Variants in CNTN4 observed in about 807,000 individuals in gnomAD.
CNTN4 encodes the protein contactin 4, also known as contactin-4.
A neutral mutation model predicts 122.5 loss-of-function variants in CNTN4; 77 were observed. The observed-to-expected ratio is 0.63, with a 90% CI of 0.52 to 0.76. The LOEUF is 0.76. CNTN4 is among the 30% of genes least tolerant of loss of function. CNTN4 has a pLI of 0.00. For synonymous variants in CNTN4, 512 were observed against 447.0 expected, an observed-to-expected ratio of 1.15 and a Z score of -1.83; for missense variants, 1,256 against 1,259.1, an observed-to-expected ratio of 1.00 and a Z score of 0.04.
intron 3 of CNTN4, among the ~76,000 whole-genome samples, chr3:2,532,766 C>T (rs1439157487): frequency 2.0e-5 from 3 of 152,084 alleles, no homozygotes; most frequent in African/African-American, 4.8e-5. Flanking sequence ...CATACTCTTT[C>T]GTGTCATACA....
chr3:2,413,059 C>T (rs1424214952), intron 3 of CNTN4, among the ~76,000 whole-genome samples: 3 of 152,114 alleles, frequency 2.0e-5, no homozygotes, highest in Admixed American at 1.3e-4. Flanking sequence ...TATGATTCTA[C>T]AGGATTCCAT....
intron 2 of CNTN4, among the ~76,000 whole-genome samples, chr3:2,123,765 C>T (rs2033948675): frequency 6.6e-6 from 1 of 152,172 alleles, no homozygotes; most frequent in Admixed American, 6.5e-5. Flanking sequence ...TTCAGACTTA[C>T]AGCTCTTGTC....
chr3:2,102,879 A>G (rs1400444246), intron 2 of CNTN4, among the ~76,000 whole-genome samples: 2 of 151,404 alleles, frequency 1.3e-5, no homozygotes, highest in East Asian at 1.9e-4. Flanking sequence ...TATTTCTTCC[A>G]TGTTCAATAA....
chr3:2,571,968 A>T (rs1001768321), intron 4 of CNTN4, among the ~76,000 whole-genome samples: 1 of 151,896 alleles, frequency 6.6e-6, no homozygotes, highest in Non-Finnish European at 1.5e-5. Flanking sequence ...TGTTGATACC[A>T]CTCCATCTTC....
chr3:2,465,979 C>G (rs1166102905), intron 3 of CNTN4, among the ~76,000 whole-genome samples: 1 of 152,160 alleles, frequency 6.6e-6, no homozygotes, highest in Non-Finnish European at 1.5e-5. Context: ...GTGTCATGCT[C>G]AAGGTCAAAA....
chr3:2,785,300 GC>G (rs2091769206), intron 6 of CNTN4, among the ~76,000 whole-genome samples: 1 of 152,240 alleles, frequency 6.6e-6, no homozygotes, highest in African/African-American at 2.4e-5. Context: ...AACCAGGGGT[GC>G]TGATAGTGTA....
chr3:2,129,264 C>CAAAAA (rs11390812), intron 2 of CNTN4, among the ~76,000 whole-genome samples: 2 of 63,838 alleles, frequency 3.1e-5, no homozygotes, highest in African/African-American at 1.1e-4. Context: ...TCCAAACCTG[C>CAAAAA]AAAAAAAAAA....
chr3:2,446,393 G>A (rs937347936), intron 3 of CNTN4, among the ~76,000 whole-genome samples: 5 of 152,296 alleles, frequency 3.3e-5, no homozygotes, highest in African/African-American at 9.6e-5. Flanking sequence ...AGATTTGAGT[G>A]TAGAATCTGT....
intron 10 of CNTN4, among the ~76,000 whole-genome samples, chr3:2,887,687 C>T (rs1271999534): frequency 6.6e-6 from 1 of 152,062 alleles, no homozygotes; most frequent in Non-Finnish European, 1.5e-5. Flanking sequence ...TTTCAAAATG[C>T]ACACTGTCCA....
intron 4 of CNTN4, among the ~76,000 whole-genome samples, chr3:2,667,811 G>A (rs1003506030): frequency 1.6e-4 from 24 of 151,420 alleles, no homozygotes; most frequent in Non-Finnish European, 5.9e-5. Context: ...TCTACATATG[G>A]CTGGCCATTT....
chr3:2,801,191 CAT>C (rs2092338377), intron 6 of CNTN4, among the ~76,000 whole-genome samples: 1 of 152,186 alleles, frequency 6.6e-6, no homozygotes, highest in African/African-American at 2.4e-5. Context: ...GCTTTATGAA[CAT>C]ATGTTAAGAG....
intron 3 of CNTN4, among the ~76,000 whole-genome samples, chr3:2,354,984 G>A (rs908319318): frequency 3.3e-5 from 5 of 152,228 alleles, no homozygotes; most frequent in African/African-American, 1.2e-4. Flanking sequence ...GGGAGAATAA[G>A]TGAGTCATAG....
chr3:2,291,260 G>T (rs1442114335), intron 2 of CNTN4, among the ~76,000 whole-genome samples: 2 of 152,106 alleles, frequency 1.3e-5, no homozygotes, highest in Non-Finnish European at 2.9e-5. Flanking sequence ...CCAGTGCTAA[G>T]TACAGACCCT....
chr3:2,910,487 C>T lies in CNTN4; in HGVS notation c.1207+7482C>T, dbSNP rs79182937. Among the ~76,000 whole-genome samples, 360 of 152,266 alleles carry T rather than the reference C, an allele frequency of 2.4e-3. 1 individual carries two copies. The highest frequency in any genetic ancestry group is 8.2e-3 in the African/African-American group (342 of 41,552). ...CTCTTAAAAGAAGAAAAGTTTGCAT[C>T]TTCTAGTAAAGAGGCAAAGTTTTTC... On this transcript the variant is annotated intron_variant, in intron 12 of 24. Coordinates refer to ENST00000418658, the MANE Select transcript of CNTN4 (RefSeq NM_175607.3).
intron 2 of CNTN4, among the ~76,000 whole-genome samples, chr3:2,106,950 G>C (rs1294879976): frequency 6.6e-6 from 1 of 152,200 alleles, no homozygotes; most frequent in Admixed American, 6.5e-5. Flanking sequence ...CTAAAGCATA[G>C]CAAGAGTGAC....
At chr3:2,492,791 T>C (rs2076353647) in intron 3 of CNTN4, among the ~76,000 whole-genome samples, 1 of 152,190 alleles carries the variant, frequency 6.6e-6, no homozygotes, top group Non-Finnish European at 1.5e-5. Flanking sequence ...TTTGTTGATA[T>C]CGTTTAGGAA....
chr3:2,377,158 GA>G (rs34629012), intron 3 of CNTN4, among the ~76,000 whole-genome samples: 111,371 of 138,720 alleles, frequency 0.8, 44,748 homozygotes, highest in East Asian at 0.93. Context: ...CCATCTCAAG[GA>G]AAAAAAAAAA....
chr3:2,810,046 T>C (rs781041902), intron 6 of CNTN4, among the ~76,000 whole-genome samples: 1 of 152,186 alleles, frequency 6.6e-6, no homozygotes, highest in Non-Finnish European at 1.5e-5. Context: ...TGTGAGAGTC[T>C]CAGACAGTCA....
chr3:2,798,866 G>T (rs1576835830), intron 6 of CNTN4, among the ~76,000 whole-genome samples: 2 of 152,024 alleles, frequency 1.3e-5, no homozygotes, highest in East Asian at 3.9e-4. Flanking sequence ...CCGGTAGTGG[G>T]ATTGCCTGAT....
Sources: gnomAD v4.1 joint callset for allele counts (sites outside exome capture counted in the v4.1 genomes callset) on GRCh38, gnomAD v4.1.1 for gene constraint, MANE v1.5 for transcripts, NCBI Gene and HGNC (gene_info 2026-07-23, HGNC 2026-07-21) for gene names.